Variants in PIGT observed in about 807,000 individuals in gnomAD.
PIGT encodes GPI-anchor transamidase component PIGT.
A neutral mutation model predicts 66.7 loss-of-function variants in PIGT; 57 were observed. The observed-to-expected ratio is 0.86, with a 90% CI of 0.69 to 1.07. PIGT has a LOEUF of 1.07. Among genes scored for constraint, PIGT ranks in the 50% least tolerant of loss-of-function variants. The pLI, the probability that PIGT is intolerant of heterozygous loss-of-function variation, is 0.00. For missense variants in PIGT, 725 were observed against 740.4 expected (o/e 0.98, Z 0.24); for synonymous variants, 362 against 320.5 (o/e 1.13, Z -1.38).
rs933802403 is a variant in PIGT, at chr20:45,424,242, G to C, written c.1261G>C (p.Asp421His). ...PSYIHYQPAQ[D>H]RLQPHLLEML... ...TTACATCCACTACCAGCCTGCCCAGGACCGGCTGCAACCCCACCTCCTGGA... is the reference window on the plus strand; with the variant it reads ...TTACATCCACTACCAGCCTGCCCAGCACCGGCTGCAACCCCACCTCCTGGA... Residue 421 changes from aspartate to histidine, a missense_variant, in exon 10 of 12, where the codon GAC becomes CAC. Asp to His is a moderately conservative substitution (Grantham distance 81). Coordinates refer to ENST00000279036, the MANE Select transcript of PIGT (RefSeq NM_015937.6). 1 of 1,614,146 alleles carries C rather than the reference G, an allele frequency of 6.2e-7. No individual in the cohort carries two copies. The highest frequency in any genetic ancestry group is 8.5e-7 in the Non-Finnish European group (1 of 1,180,022).
At chr20:45,422,717 C>T (rs931778610) in intron 9 of PIGT, 13 of 152,148 alleles carry the variant, frequency 8.5e-5, no homozygotes, top group Non-Finnish European at 1.2e-4. Flanking sequence ...AGGTGTAAGC[C>T]GCTGCCTGCT....
At chr20:45,424,161 G>C in intron 9 of PIGT, 55 bp from the exon 10 acceptor site, 1 of 1,532,472 alleles carries the variant, frequency 6.5e-7, no homozygotes, top group South Asian at 1.1e-5. Flanking sequence ...AGGGACAGGG[G>C]CAGCAGGTAG....
In PIGT at chr20:45,420,777, T is replaced by C. The variant is rs1400724377; in HGVS notation, c.1033+84T>C. On this transcript the variant is annotated intron_variant, in intron 8 of 11. Coordinates refer to ENST00000279036, the MANE Select transcript of PIGT (RefSeq NM_015937.6). ...ATCCCACGTCTTTGCCGTTAGATGA[T>C]TGGGTTGTATTTAGACCAGATTTCC... The C allele has an allele frequency of 1.3e-5, 18 of 1,387,164 alleles. No individual in the cohort carries two copies. In the East Asian group the frequency reaches 3.4e-4, roughly 26 times the overall value. 85.9% of individuals were successfully genotyped at this position (1,387,164 alleles called of 1,614,324 possible).
Position 45,420,328 on chromosome 20 carries a change from T to G in PIGT, c.770-4T>G. 1 of 1,611,880 alleles carries G rather than the reference T, an allele frequency of 6.2e-7. No homozygotes were observed. Among genetic ancestry groups the G allele is most frequent in the Non-Finnish European group, 8.5e-7 (1 of 1,178,824 alleles). On this transcript the variant is annotated splice_polypyrimidine_tract_variant and splice_region_variant and intron_variant, in intron 6 of 11. Transcript: ENST00000279036. ...CCTGCTCAGCCCTGCGCTCTGTTTC[T>G]CAGACTGGTCCCTCTTCCGGATGTT...
chr20:45,425,495 C>A, intron 11 of PIGT, 79 bp from the exon 12 acceptor site: 1 of 1,514,078 alleles, frequency 6.6e-7, no homozygotes. Flanking sequence ...GTTGCATTGC[C>A]CAATACTGCC....
chr20:45,416,987 G>A (rs79279119), intron 2 of PIGT: 1 of 268,436 alleles, frequency 3.7e-6, no homozygotes, highest in East Asian at 7.4e-5. Flanking sequence ...CTTTTAAAAG[G>A]CATTCATTAA....
At chr20:45,421,665 G>A in intron 9 of PIGT, 82 bp downstream of exon 9, 3 of 1,177,876 alleles carry the variant, frequency 2.5e-6, no homozygotes, top group Non-Finnish European at 3.7e-6. Flanking sequence ...ATTTCCCAGG[G>A]TAGTTCCTGA....
chr20:45,418,698 C>G, intron 2 of PIGT, 154 bp from the exon 3 acceptor site: 1 of 876,726 alleles, frequency 1.1e-6, no homozygotes, highest in Non-Finnish European at 1.8e-6. Context: ...AGTGGGCTGG[C>G]TGGGGGCAGC....
At chr20:45,425,436 T>C (rs1387917951) in intron 11 of PIGT, 138 bp from the exon 12 acceptor site, 2 of 790,012 alleles carry the variant, frequency 2.5e-6, no homozygotes, top group East Asian at 6.5e-5. Context: ...GATTGAGCTA[T>C]GCCTTCTGTT....
chr20:45,420,257 C>T (rs1255600560), intron 6 of PIGT, 34 bp downstream of exon 6: 1 of 1,596,020 alleles, frequency 6.3e-7, no homozygotes, highest in Non-Finnish European at 8.6e-7. Context: ...TGTACCCACC[C>T]ATGCCAGCCC....
Position 45,426,151 on chromosome 20 carries a change from T to G in PIGT, c.*325T>G. On this transcript the variant is annotated 3_prime_UTR_variant, in exon 12 of 12. Transcript: ENST00000279036. ...CCACAGAAAGGTCGGCTGGCAGCAC[T>G]GGCCAAGGTGATGGGGTGTGCTACA... is the stretch of plus-strand genomic sequence containing the variant. The G allele has an allele frequency of 7.7e-6, 3 of 391,344 alleles. No homozygotes were observed. The highest frequency in any genetic ancestry group is 7.7e-4 in the Middle Eastern group (1 of 1,302). 24.2% of individuals were successfully genotyped at this position (391,344 alleles called of 1,614,324 possible).
chr20:45,424,342 C>T lies in PIGT; in HGVS notation c.1361C>T (p.Thr454Ile). The change falls in exon 10 of 12, where the codon ACC becomes ATC. Residue 454 changes from threonine (T) to isoleucine (I), a missense_variant. By Grantham distance (89) the Thr-to-Ile change is moderately conservative. Coordinates refer to ENST00000279036, the MANE Select transcript of PIGT (RefSeq NM_015937.6). The stretch of plus-strand genomic sequence containing the variant: ...TTTGAGCGGGCGCTGCTGAAGTGGA[C>T]CGAGTACACGCCAGATCCTAACCAT... The part of the protein sequence containing the change: ...IQFERALLKW[T>I]EYTPDPNHGF... The T allele has an allele frequency of 6.2e-7, 1 of 1,614,214 alleles. No individual in the cohort carries two copies. The highest frequency in any genetic ancestry group is 8.5e-7 in the Non-Finnish European group (1 of 1,180,042).
Position 45,424,548 on chromosome 20 carries a change from G to A in PIGT, c.1453G>A (p.Asp485Asn), listed in dbSNP as rs774620526. Residue 485 changes from aspartate to asparagine, a missense_variant, in exon 11 of 12, where the codon GAC becomes AAC. This residue lies in a region of PIGT where 162 missense variants were observed against 171.1 expected (regional missense o/e 0.95). Coordinates refer to ENST00000279036, the MANE Select transcript of PIGT (RefSeq NM_015937.6). Reference sequence around the variant, plus strand: ...CAGCATGGTAGCAGCCAAGCCAGTGGACTGGGAAGAGAGTCCCCTCTTCAA... The same window carrying A: ...CAGCATGGTAGCAGCCAAGCCAGTGAACTGGGAAGAGAGTCCCCTCTTCAA... Reference protein sequence around the residue: ...VPSMVAAKPVDWEESPLFNSL... With the variant: ...VPSMVAAKPVNWEESPLFNSL... 14 of 1,614,154 alleles carry A rather than the reference G, an allele frequency of 8.7e-6. No individual in the cohort carries two copies. The highest frequency in any genetic ancestry group is 1.1e-5 in the Non-Finnish European group (13 of 1,180,034).
chr20:45,416,874 C>T (rs1289497648), intron 2 of PIGT, 180 bp downstream of exon 2: 2 of 531,654 alleles, frequency 3.8e-6, no homozygotes, highest in African/African-American at 3.9e-5. Flanking sequence ...AATCCTAAAA[C>T]TTTCAGACCT....
chr20:45,417,303 C>G (rs1449758826), intron 2 of PIGT: 2 of 152,186 alleles, frequency 1.3e-5, no homozygotes, highest in Non-Finnish European at 2.9e-5. Flanking sequence ...TCATTTTCCT[C>G]TTAATCCCAC....
chr20:45,421,164 T>G (rs1366554560), intron 8 of PIGT: 2 of 578,336 alleles, frequency 3.5e-6, no homozygotes, highest in East Asian at 2.8e-5. Context: ...GGCACGGTGT[T>G]CGTCACGTAA....
intron 5 of PIGT, 89 bp from the exon 6 acceptor site, chr20:45,420,047 T>C (rs1990252466): frequency 1.1e-6 from 1 of 885,118 alleles, no homozygotes; most frequent in Non-Finnish European, 1.8e-6. Flanking sequence ...GATACATAGA[T>C]GAGGGATTGA....
Position 45,416,338 on chromosome 20 carries a change from A to T in PIGT, c.182A>T (p.Glu61Val). 6.3e-7 allele frequency: 1 copy of T among 1,585,950 alleles called. No individual in the cohort carries two copies. The highest frequency in any genetic ancestry group is 8.6e-7 in the Non-Finnish European group (1 of 1,163,572). The part of the protein sequence containing the change: ...RTRWDSELQR[E>V]GVSHYRLFPK... ...CGCTGGGATTCGGAGCTTCAGCGGG[A>T]AGGAGGTGAGGGCGCGAGATCTGAC... is the stretch of plus-strand genomic sequence containing the variant. The change falls in exon 1 of 12, where the codon GAA becomes GTA. Residue 61 changes from glutamate (E) to valine (V), a missense_variant. Around this residue, in one of 3 missense-constraint regions of PIGT, gnomAD observed 559 missense variants for 552.7 expected, o/e 1.01. Transcript: ENST00000279036.
intron 2 of PIGT, chr20:45,417,436 G>C (rs906741845): frequency 9.2e-5 from 14 of 152,218 alleles, no homozygotes; most frequent in Admixed American, 3.9e-4. Flanking sequence ...CTGCCACTCA[G>C]CTTCTATGGA....
Sources: allele counts gnomAD v4.1 joint callset, GRCh38; gene constraint gnomAD v4.1.1; regional missense constraint gnomAD v4.1.1; transcripts MANE v1.5; gene names NCBI Gene and HGNC (gene_info 2026-07-23, HGNC 2026-07-21).